The following FGGY variants were observed in gnomAD, a reference collection of about 807,000 sequenced individuals.
FGGY encodes the protein FGGY carbohydrate kinase domain containing.
A neutral mutation model predicts 71.3 loss-of-function variants in FGGY; 72 were observed. That is an observed-to-expected ratio of 1.01 (90% CI 0.84 to 1.23). FGGY has a LOEUF of 1.23. Ranked by LOEUF, FGGY falls within the 50% of genes most tolerant of loss-of-function variation. FGGY has a pLI of 0.00. For synonymous variants in FGGY, 251 were observed against 250.3 expected, an observed-to-expected ratio of 1.00 and a Z score of -0.02; for missense variants, 668 against 682.3, an observed-to-expected ratio of 0.98 and a Z score of 0.23.
intron 4 of FGGY, among the ~76,000 whole-genome samples, chr1:59,365,826 A>C (rs1395052940): frequency 6.6e-6 from 1 of 152,346 alleles, no homozygotes; most frequent in African/African-American, 2.4e-5. Context: ...TTGTTGACTT[A>C]TCAGGCACTT....
At chr1:59,379,854 G>A (rs2059171111) in intron 5 of FGGY, among the ~76,000 whole-genome samples, 1 of 151,560 alleles carries the variant, frequency 6.6e-6, no homozygotes. Context: ...CAACCTGCAG[G>A]TTTGTTAATT....
intron 15 of FGGY, among the ~76,000 whole-genome samples, chr1:59,760,891 T>C (rs2098335771): frequency 6.6e-6 from 1 of 152,232 alleles, no homozygotes; most frequent in African/African-American, 2.4e-5. Context: ...CGTTATATTG[T>C]CACAGAGCAT....
chr1:59,460,658 G>A (rs2092115110), intron 6 of FGGY, among the ~76,000 whole-genome samples: 1 of 152,208 alleles, frequency 6.6e-6, no homozygotes, highest in African/African-American at 2.4e-5. Context: ...AGTAGGGGCC[G>A]ACTGACATCT....
intron 6 of FGGY, among the ~76,000 whole-genome samples, chr1:59,475,271 T>C (rs1348899095): frequency 1.3e-5 from 2 of 152,228 alleles, no homozygotes; most frequent in Non-Finnish European, 2.9e-5. Flanking sequence ...GAGAGGCATC[T>C]TAATTGGAAT....
rs555394225 is a variant in FGGY, at chr1:59,374,412, T to C, written c.466-4337T>C. Among the ~76,000 whole-genome samples, 384 of 152,322 alleles carry C rather than the reference T, an allele frequency of 2.5e-3. 2 individuals are homozygous for C. The highest frequency in any genetic ancestry group is 0.024 in the South Asian group (115 of 4,816). On this transcript the variant is annotated intron_variant, in intron 4 of 15. Coordinates refer to ENST00000303721, the MANE Select transcript of FGGY (RefSeq NM_018291.5). Reference sequence around the variant, plus strand: ...TAAAAAGTCAGGAAACAACAGGTGCTGGAGAGGATGTGGAGAAATAGGAAC... The same window carrying C: ...TAAAAAGTCAGGAAACAACAGGTGCCGGAGAGGATGTGGAGAAATAGGAAC...
chr1:59,568,510 G>A (rs992536580), intron 8 of FGGY, among the ~76,000 whole-genome samples: 1 of 152,066 alleles, frequency 6.6e-6, no homozygotes, highest in African/African-American at 2.4e-5. Flanking sequence ...GTGTTTAGAT[G>A]AGGAAACTGA....
At chr1:59,318,244 A>G (rs1278161555) in intron 1 of FGGY, among the ~76,000 whole-genome samples, 1 of 152,236 alleles carries the variant, frequency 6.6e-6, no homozygotes, top group Non-Finnish European at 1.5e-5. Context: ...ATTGTAATCA[A>G]GCTGCTTAGC....
chr1:59,338,882 T>G (rs2050120355), intron 2 of FGGY, among the ~76,000 whole-genome samples: 1 of 152,202 alleles, frequency 6.6e-6, no homozygotes, highest in African/African-American at 2.4e-5. Context: ...TGTCATTAAT[T>G]ATATTGTTAG....
At chr1:59,417,021 A>G (rs1359823038) in intron 5 of FGGY, among the ~76,000 whole-genome samples, 1 of 152,202 alleles carries the variant, frequency 6.6e-6, no homozygotes, top group Non-Finnish European at 1.5e-5. Flanking sequence ...TAGTATTTCT[A>G]GTATATTCAC....
At chr1:59,325,986 C>T (rs1220675286) in intron 2 of FGGY, among the ~76,000 whole-genome samples, 12 of 152,152 alleles carry the variant, frequency 7.9e-5, no homozygotes, top group East Asian at 3.9e-4. Flanking sequence ...ATGCAGTCCA[C>T]GATTTTAAAG....
At chr1:59,360,424 G>A (rs7536855) in intron 4 of FGGY, among the ~76,000 whole-genome samples, 58 of 152,252 alleles carry the variant, frequency 3.8e-4, no homozygotes, top group African/African-American at 1.3e-3. Context: ...AGTATTTATC[G>A]AGCACCTCCC....
intron 5 of FGGY, among the ~76,000 whole-genome samples, chr1:59,411,781 G>T (rs2063636432): frequency 6.6e-6 from 1 of 152,058 alleles, no homozygotes; most frequent in South Asian, 2.1e-4. Context: ...AACCAATGGG[G>T]ATCCCTTCAA....
chr1:59,710,647 A>G (rs980472127), intron 14 of FGGY, among the ~76,000 whole-genome samples: 1 of 152,222 alleles, frequency 6.6e-6, no homozygotes, highest in African/African-American at 2.4e-5. Flanking sequence ...ATGAACAGAC[A>G]CTTTTCAAAA....
At chr1:59,473,976 A>G (rs1056864025) in intron 6 of FGGY, 1 of 152,184 alleles carries the variant, frequency 6.6e-6, no homozygotes, top group African/African-American at 2.4e-5. Flanking sequence ...ATCAGATGTC[A>G]CAGGGCAGTG....
chr1:59,566,309 G>C (rs971671483), intron 8 of FGGY, among the ~76,000 whole-genome samples: 8 of 152,074 alleles, frequency 5.3e-5, no homozygotes, highest in African/African-American at 1.9e-4. Context: ...TTAGTTCAGA[G>C]GCTTTAGTAT....
chr1:59,627,416 T>C (rs1452288803), intron 10 of FGGY, among the ~76,000 whole-genome samples: 2 of 141,774 alleles, frequency 1.4e-5, no homozygotes, highest in Admixed American at 1.5e-4. Context: ...AGGAGAAGGT[T>C]AGAATGAACC....
At chr1:59,472,302 G>C (rs1366706200) in intron 6 of FGGY, among the ~76,000 whole-genome samples, 1 of 152,224 alleles carries the variant, frequency 6.6e-6, no homozygotes, top group Non-Finnish European at 1.5e-5. Context: ...ATTTCTCGAG[G>C]GGCCTTAGCT....
intron 14 of FGGY, among the ~76,000 whole-genome samples, chr1:59,729,272 T>A (rs1315932846): frequency 6.6e-6 from 1 of 152,144 alleles, no homozygotes; most frequent in Non-Finnish European, 1.5e-5. Flanking sequence ...ATTGTCCGTT[T>A]GTGCATAGTG....
At chr1:59,551,522 A>G (rs1346064274) in intron 7 of FGGY, among the ~76,000 whole-genome samples, 1 of 152,156 alleles carries the variant, frequency 6.6e-6, no homozygotes, top group Admixed American at 6.5e-5. Flanking sequence ...TTTTCTGTCA[A>G]GGATCTCAGA....
Sources: gnomAD v4.1 joint callset for allele counts (sites outside exome capture counted in the v4.1 genomes callset) on GRCh38, gnomAD v4.1.1 for gene constraint, MANE v1.5 for transcripts, NCBI Gene and HGNC (gene_info 2026-07-23, HGNC 2026-07-21) for gene names.